The following ANKS1B variants were observed in gnomAD, a reference collection of about 807,000 sequenced individuals.
ANKS1B encodes the protein ankyrin repeat and sterile alpha motif domain containing 1B, also known as ankyrin repeat and sterile alpha motif domain-containing protein 1B.
ANKS1B carries 36 observed loss-of-function variants against 148.3 expected under a neutral mutation model. The observed-to-expected ratio is 0.24, with a 90% confidence interval of 0.19 to 0.32. The LOEUF is 0.32. Ranked by LOEUF, ANKS1B falls within the 10% of genes least tolerant of loss-of-function variation. ANKS1B has a pLI of 1.00. For missense variants in ANKS1B, 1,157 were observed against 1,542.6 expected, an observed-to-expected ratio of 0.75 and a Z score of 4.19; for synonymous variants, 542 against 560.8, an observed-to-expected ratio of 0.97 and a Z score of 0.47.
intron 1 of ANKS1B, among the ~76,000 whole-genome samples, chr12:99,858,169 G>A (rs2089479818): frequency 6.6e-6 from 1 of 151,994 alleles, no homozygotes; most frequent in African/African-American, 2.4e-5. Flanking sequence ...AATTTACAAG[G>A]AACTCAAGCA....
chr12:99,515,134 G>T (rs1287807442), intron 9 of ANKS1B, among the ~76,000 whole-genome samples: 1 of 151,804 alleles, frequency 6.6e-6, no homozygotes, highest in Non-Finnish European at 1.5e-5. Flanking sequence ...GGAAAATGGG[G>T]TATCCATCCC....
intron 17 of ANKS1B, among the ~76,000 whole-genome samples, chr12:98,927,873 C>G (rs1341940529): frequency 6.6e-6 from 1 of 150,764 alleles, no homozygotes; most frequent in Non-Finnish European, 1.5e-5. Context: ...CCTCAAGGCA[C>G]TGGAAAAAGA....
At chr12:99,424,399 A>G (rs1197459838) in intron 11 of ANKS1B, among the ~76,000 whole-genome samples, 1 of 152,158 alleles carries the variant, frequency 6.6e-6, no homozygotes, top group Admixed American at 6.6e-5. Context: ...ACTAGAAGAG[A>G]TCAAGAAGTA....
chr12:99,020,985 G>A (rs1003432001), intron 17 of ANKS1B, among the ~76,000 whole-genome samples: 1 of 152,118 alleles, frequency 6.6e-6, no homozygotes, highest in African/African-American at 2.4e-5. Flanking sequence ...GTGAATATGA[G>A]CAGGAGACAT....
intron 1 of ANKS1B, among the ~76,000 whole-genome samples, chr12:99,921,914 T>C (rs1229630761): frequency 6.6e-6 from 1 of 152,140 alleles, no homozygotes; most frequent in Non-Finnish European, 1.5e-5. Context: ...CAAGTATAAT[T>C]ACAGCAAGCA....
At chr12:99,080,875 G>A (rs1306840705) in intron 16 of ANKS1B, among the ~76,000 whole-genome samples, 3 of 152,170 alleles carry the variant, frequency 2.0e-5, no homozygotes, top group African/African-American at 7.2e-5. Context: ...GGAACTTTGG[G>A]TTTGTTTCCT....
chr12:99,536,117 T>C (rs1449835271), intron 9 of ANKS1B, among the ~76,000 whole-genome samples: 3 of 152,198 alleles, frequency 2.0e-5, no homozygotes, highest in Non-Finnish European at 4.4e-5. Context: ...TTTGACCTGA[T>C]ACAGAACTCA....
At chr12:99,674,468 T>C (rs1364911724) in intron 8 of ANKS1B, among the ~76,000 whole-genome samples, 1 of 151,802 alleles carries the variant, frequency 6.6e-6, no homozygotes, top group East Asian at 1.9e-4. Context: ...TAAGGAAATG[T>C]ATGACAAAGA....
chr12:99,241,419 TA>T (rs1176063867), intron 14 of ANKS1B, among the ~76,000 whole-genome samples: 3 of 151,844 alleles, frequency 2.0e-5, no homozygotes, highest in Non-Finnish European at 2.9e-5. Flanking sequence ...GCCTACCAAC[TA>T]AAAAAAGTCC....
intron 17 of ANKS1B, among the ~76,000 whole-genome samples, chr12:99,013,010 G>C (rs2099940354): frequency 6.6e-6 from 1 of 152,138 alleles, no homozygotes; most frequent in Non-Finnish European, 1.5e-5. Context: ...AATACTTGTG[G>C]AGTGCATGAG....
At chr12:99,150,987 A>G (rs996529612) in intron 15 of ANKS1B, among the ~76,000 whole-genome samples, 1 of 152,136 alleles carries the variant, frequency 6.6e-6, no homozygotes, top group Non-Finnish European at 1.5e-5. Flanking sequence ...GTCTTAGGTG[A>G]CCTGATGTAC....
chr12:99,700,789 C>A (rs1388984067), intron 8 of ANKS1B, among the ~76,000 whole-genome samples: 1 of 152,132 alleles, frequency 6.6e-6, no homozygotes, highest in Admixed American at 6.6e-5. Flanking sequence ...TAACTGGAAA[C>A]TAACTTTAGA....
intron 11 of ANKS1B, among the ~76,000 whole-genome samples, 197 bp downstream of exon 11, chr12:99,443,476 A>T (rs1486508072): frequency 1.3e-5 from 2 of 151,990 alleles, no homozygotes; most frequent in Non-Finnish European, 2.9e-5. Context: ...TCATTTTTCC[A>T]AAAACTAATG....
At chr12:99,051,539 G>GTGA (rs1222953198) in intron 17 of ANKS1B, among the ~76,000 whole-genome samples, 1 of 152,204 alleles carries the variant, frequency 6.6e-6, no homozygotes, top group African/African-American at 2.4e-5. Flanking sequence ...GAGTAGCCAT[G>GTGA]TGATGAGTGT....
chr12:99,416,542 T>C (rs2094914963), intron 11 of ANKS1B, among the ~76,000 whole-genome samples: 1 of 152,220 alleles, frequency 6.6e-6, no homozygotes, highest in Non-Finnish European at 1.5e-5. Flanking sequence ...GCCCTTCTGA[T>C]AGGTGTGTAG....
rs748693721 is a variant in ANKS1B, at chr12:99,538,427, A to C, written c.1273-33786T>G. ...TTTCCATTTTTCTGTGTCCTCTTCA[A>C]TTTCTGTGTCAATGGTTTATAGTTT... is the stretch of plus-strand genomic sequence containing the variant. On this transcript the variant is annotated intron_variant, in intron 9 of 26. Transcript: ENST00000683438. Among the ~76,000 whole-genome samples the C allele has an allele frequency of 6.4e-4, 98 of 152,040 alleles. 3 individuals are homozygous for C. Among genetic ancestry groups the C allele is most frequent in the Non-Finnish European group, 1.3e-4 (9 of 67,948 alleles).
chr12:99,724,713 C>G (rs1420212520), intron 8 of ANKS1B, among the ~76,000 whole-genome samples: 1 of 151,970 alleles, frequency 6.6e-6, no homozygotes, highest in Non-Finnish European at 1.5e-5. Flanking sequence ...ATTAGATTCT[C>G]CAAGGTCGAA....
chr12:99,859,885 T>C (rs1381777284), intron 1 of ANKS1B, among the ~76,000 whole-genome samples: 4 of 152,176 alleles, frequency 2.6e-5, no homozygotes, highest in Admixed American at 2.6e-4. Flanking sequence ...TGACCTCAGA[T>C]GAACTGCCTA....
intron 9 of ANKS1B, among the ~76,000 whole-genome samples, chr12:99,548,581 G>T (rs1193667522): frequency 6.6e-6 from 1 of 151,936 alleles, no homozygotes; most frequent in Non-Finnish European, 1.5e-5. Context: ...CTTTAAAAAT[G>T]TAAATCTTCT....
Sources: allele counts gnomAD v4.1 joint callset (sites outside exome capture counted in the v4.1 genomes callset), GRCh38; gene constraint gnomAD v4.1.1; transcripts MANE v1.5; gene names NCBI Gene and HGNC (gene_info 2026-07-23, HGNC 2026-07-21).